Variants in CTNNA1 observed in about 807,000 individuals in gnomAD.
CTNNA1 encodes catenin alpha-1.
CTNNA1 carries 37 observed loss-of-function variants against 98.4 expected under a neutral mutation model. The observed-to-expected ratio is 0.38, with a 90% CI of 0.29 to 0.49. CTNNA1 has a LOEUF of 0.49. Among genes scored for constraint, CTNNA1 ranks in the 20% least tolerant of loss-of-function variants. CTNNA1 has a pLI of 0.95. For missense variants in CTNNA1, 761 were observed against 1,147.2 expected (o/e 0.66, Z 4.86); for synonymous variants, 404 against 413.2 (o/e 0.98, Z 0.27).
chr5:138,828,026 G>GT (rs28363412), intron 7 of CTNNA1: 235,661 of 323,696 alleles, frequency 0.73, 86,839 homozygotes, highest in East Asian at 0.99. Context: ...ATGTATGTAT[G>GT]GTATATACAC....
At chr5:138,789,982 A>G (rs1203828062) in intron 3 of CTNNA1, among the ~76,000 whole-genome samples, 1 of 152,188 alleles carries the variant, frequency 6.6e-6, no homozygotes, top group African/African-American at 2.4e-5. Context: ...CTGTTTTAAG[A>G]AGTTCCACCA....
In CTNNA1 at chr5:138,931,188, C is replaced by T. The variant is rs145069055; in HGVS notation, c.2298+253C>T. 160 of 457,978 alleles carry T rather than the reference C, an allele frequency of 3.5e-4. 1 individual carries two copies. The highest frequency in any genetic ancestry group is 2.7e-3 in the African/African-American group (139 of 50,848). 28.4% of individuals were successfully genotyped at this position (457,978 alleles called of 1,614,324 possible). The stretch of plus-strand genomic sequence containing the variant: ...CTTATGTCTCAGTTCCCTCTCTCCC[C>T]CTCTGGGCAGGGGCCGAGAGCAGCC... On this transcript the variant is annotated intron_variant, in intron 16 of 17. Coordinates refer to ENST00000302763, the MANE Select transcript of CTNNA1 (RefSeq NM_001903.5).
chr5:138,789,695 A>G (rs967609516), intron 3 of CTNNA1, among the ~76,000 whole-genome samples: 1 of 152,200 alleles, frequency 6.6e-6, no homozygotes, highest in South Asian at 2.1e-4. Flanking sequence ...TGACCTCGTG[A>G]TTCACCCACC....
intron 9 of CTNNA1, among the ~76,000 whole-genome samples, chr5:138,902,662 G>T (rs1466507918): frequency 6.6e-6 from 1 of 152,074 alleles, no homozygotes; most frequent in African/African-American, 2.4e-5. Flanking sequence ...CTCATGATCC[G>T]CCCGCCTCGG....
At position 138,769,725 on chromosome 5, in the gene CTNNA1, G is replaced by T. The variant is rs376345502; in HGVS notation, c.-2-12198G>T. Reference sequence around the variant, plus strand: ...ATTTTGTATTTTTAGTGGAGACAGGGTTTCTCCCTGTTGATCAGGCTGGTC... The same window carrying T: ...ATTTTGTATTTTTAGTGGAGACAGGTTTTCTCCCTGTTGATCAGGCTGGTC... On this transcript the variant is annotated intron_variant, in intron 1 of 17. Transcript: ENST00000302763. 7.9e-5 allele frequency among the ~76,000 whole-genome samples: 12 copies of T among 151,894 alleles called. No homozygotes were observed. In the East Asian group the frequency reaches 1.9e-3, roughly 25 times the overall value.
chr5:138,874,910 A>G lies in CTNNA1; in HGVS notation c.1063-11302A>G. 1 of 1,613,506 alleles carries G rather than the reference A, an allele frequency of 6.2e-7. No individual in the cohort carries two copies. The highest frequency in any genetic ancestry group is 8.5e-7 in the Non-Finnish European group (1 of 1,179,610). On this transcript the variant is annotated intron_variant, in intron 7 of 17. Transcript: ENST00000302763. This position sits in a 1 kb window ranked among gnomAD's most constrained non-coding sequence, Gnocchi z 4.1. ...GACATATAAATGCACAGACTTACCC[A>G]TTCTTCTGAGCACATTGGAGGCTGC...
At chr5:138,862,108 G>T (rs936041416) in intron 7 of CTNNA1, among the ~76,000 whole-genome samples, 1 of 152,196 alleles carries the variant, frequency 6.6e-6, no homozygotes, top group Non-Finnish European at 1.5e-5. Context: ...ATTGAGATAG[G>T]TTAATTCTGA....
At chr5:138,805,154 C>CT (rs1403340243) in intron 3 of CTNNA1, among the ~76,000 whole-genome samples, 1 of 152,156 alleles carries the variant, frequency 6.6e-6, no homozygotes, top group Non-Finnish European at 1.5e-5. Flanking sequence ...GAGGTTGGTA[C>CT]TAACCCATTC....
intron 7 of CTNNA1, among the ~76,000 whole-genome samples, chr5:138,852,895 G>C (rs1284480873): frequency 1.4e-5 from 1 of 69,784 alleles, no homozygotes; most frequent in Non-Finnish European, 3.1e-5. Context: ...TTGCATAGGT[G>C]TTTGCCTGAT....
chr5:138,875,734 GC>G, intron 7 of CTNNA1: 3 of 985,236 alleles, frequency 3.0e-6, no homozygotes, highest in Non-Finnish European at 3.6e-6. Context: ...ACCAGCCTAT[GC>G]AAGGTAGTGT....
intron 7 of CTNNA1, among the ~76,000 whole-genome samples, chr5:138,885,605 G>A (rs1753857283): frequency 6.6e-6 from 1 of 152,156 alleles, no homozygotes; most frequent in South Asian, 2.1e-4. Context: ...AGAGTGACTA[G>A]CGGGTTCTTT....
At chr5:138,777,568 A>G (rs565214245) in intron 1 of CTNNA1, among the ~76,000 whole-genome samples, 248 of 151,576 alleles carry the variant, frequency 1.6e-3, no homozygotes, top group African/African-American at 5.6e-3. Flanking sequence ...CCTGGGCACC[A>G]TTGAGCACTG....
rs529250981 is a variant in CTNNA1 at position 138,805,531 on chromosome 5, G to C, written c.302-4507G>C. On this transcript the variant is annotated intron_variant, in intron 3 of 17. Coordinates refer to ENST00000302763, the MANE Select transcript of CTNNA1 (RefSeq NM_001903.5). ...AGTGAGGTTGAGCATCTTTTCATGTGCTTGTTGGCCATTTCTAAATCTTCA... is the reference window on the plus strand; with the variant it reads ...AGTGAGGTTGAGCATCTTTTCATGTCCTTGTTGGCCATTTCTAAATCTTCA... 2.0e-5 allele frequency among the ~76,000 whole-genome samples: 3 copies of C among 152,040 alleles called. No homozygotes were observed. In the East Asian group the frequency reaches 5.8e-4, roughly 29 times the overall value.
chr5:138,858,595 T>TC (rs1763951395), intron 7 of CTNNA1, among the ~76,000 whole-genome samples: 1 of 83,152 alleles, frequency 1.2e-5, no homozygotes, highest in Non-Finnish European at 2.2e-5. Flanking sequence ...TTTCTTTTTC[T>TC]TTTTTTTTTT....
intron 1 of CTNNA1, among the ~76,000 whole-genome samples, chr5:138,758,511 G>A (rs1012676969): frequency 1.3e-5 from 2 of 152,158 alleles, no homozygotes. Context: ...GCAAATAGCT[G>A]GACTACAGGC....
At chr5:138,811,802 G>A (rs528459109) in intron 4 of CTNNA1, among the ~76,000 whole-genome samples, 2 of 152,268 alleles carry the variant, frequency 1.3e-5, no homozygotes, top group South Asian at 2.1e-4. Context: ...CCTGCAAATC[G>A]CAGGCACTCG....
In CTNNA1 at chr5:138,824,568, A is replaced by C. The variant is rs2149775605; in HGVS notation, c.627A>C (p.Ala209=). ...TTGGCCATCGTGATCAGATGGCTGCAGCTAGAGGAATCCTGCAGAAGAACG... is the reference window on the plus strand; with the variant it reads ...TTGGCCATCGTGATCAGATGGCTGCCGCTAGAGGAATCCTGCAGAAGAACG... ...KDVGHRDQMA[A]ARGILQKNVP... The change falls in exon 6 of 18, where the codon GCA becomes GCC. Residue 209 remains alanine, a synonymous_variant. Coordinates refer to ENST00000302763, the MANE Select transcript of CTNNA1 (RefSeq NM_001903.5). 6.2e-7 allele frequency: 1 copy of C among 1,614,214 alleles called. No individual in the cohort carries two copies. Among genetic ancestry groups the C allele is most frequent in the East Asian group, 2.2e-5 (1 of 44,890 alleles).
intron 2 of CTNNA1, 195 bp downstream of exon 2, chr5:138,782,224 C>T (rs1208636009): frequency 3.1e-6 from 2 of 637,936 alleles, no homozygotes; most frequent in Non-Finnish European, 5.6e-6. Context: ...TCGTTTTCTT[C>T]AGTCTTATTG....
chr5:138,758,868 C>A (rs1037296649), intron 1 of CTNNA1, among the ~76,000 whole-genome samples: 1 of 151,290 alleles, frequency 6.6e-6, no homozygotes, highest in Admixed American at 6.6e-5. Flanking sequence ...AGTGCAATGG[C>A]GTGATCTTGG....
Sources: allele counts gnomAD v4.1 joint callset (sites outside exome capture counted in the v4.1 genomes callset), GRCh38; gene constraint gnomAD v4.1.1; non-coding constraint Gnocchi (gnomAD v3.1); transcripts MANE v1.5; gene names NCBI Gene and HGNC (gene_info 2026-07-23, HGNC 2026-07-21).